BDNF: variants seen among roughly 807,000 people sequenced by gnomAD.
BDNF encodes the protein brain derived neurotrophic factor.
BDNF carries 1 observed loss-of-function variant against 19.5 expected under a neutral mutation model. The observed-to-expected ratio is 0.05, with a 90% CI of 0.02 to 0.24. The LOEUF is 0.24. BDNF is among the 10% of genes least tolerant of loss of function. BDNF has a pLI of 1.00. For synonymous variants in BDNF, 100 were observed against 121.6 expected (o/e 0.82, Z 1.17); for missense variants, 195 against 317.6 (o/e 0.61, Z 2.93).
chr11:27,704,690 C>T (rs953162079), upstream of BDNF, among the ~76,000 whole-genome samples: 6 of 152,196 alleles, frequency 3.9e-5, no homozygotes, highest in African/African-American at 1.2e-4. Flanking sequence ...TTTTCAAACT[C>T]ATCCTGGATA....
chr11:27,707,449 G>T (rs1365599224), intron 1 of BDNF, among the ~76,000 whole-genome samples: 3 of 152,148 alleles, frequency 2.0e-5, no homozygotes, highest in Non-Finnish European at 4.4e-5. Context: ...AAAGAAATGG[G>T]GTAGCAGAGG....
intron 1 of BDNF, among the ~76,000 whole-genome samples, chr11:27,712,491 T>A (rs1455376702): frequency 1.3e-5 from 2 of 151,780 alleles, no homozygotes; most frequent in Non-Finnish European, 1.5e-5. Context: ...TCCTTTGTAA[T>A]CTTATACATT....
chr11:27,708,416 A>G (rs559614187), intron 1 of BDNF, among the ~76,000 whole-genome samples: 1 of 152,260 alleles, frequency 6.6e-6, no homozygotes, highest in Admixed American at 6.5e-5. Flanking sequence ...AATCATGCTA[A>G]TCTACATGAT....
chr11:27,679,369 A>C (rs1856580551), intron 1 of BDNF, among the ~76,000 whole-genome samples: 1 of 152,212 alleles, frequency 6.6e-6, no homozygotes, highest in African/African-American at 2.4e-5. Context: ...CGTAAGTAAG[A>C]ATTAAAGATA....
intron 1 of BDNF, among the ~76,000 whole-genome samples, chr11:27,666,994 A>G (rs1047990729): frequency 6.6e-6 from 1 of 152,246 alleles, no homozygotes; most frequent in Non-Finnish European, 1.5e-5. Context: ...GAAATGAAGG[A>G]AAAAACATTA....
At chr11:27,681,737 T>G (rs958171629) in intron 1 of BDNF, among the ~76,000 whole-genome samples, 12 of 152,164 alleles carry the variant, frequency 7.9e-5, no homozygotes, top group South Asian at 2.1e-4. Flanking sequence ...AGTATCTTTT[T>G]GGGGGAGCTG....
At chr11:27,678,546 G>A (rs564478813) in intron 1 of BDNF, among the ~76,000 whole-genome samples, 1 of 152,322 alleles carries the variant, frequency 6.6e-6, no homozygotes, top group South Asian at 2.1e-4. Flanking sequence ...TTAGGGAGAT[G>A]TAACTGGGAG....
intron 1 of BDNF, among the ~76,000 whole-genome samples, chr11:27,687,683 G>A (rs1857669798): frequency 6.6e-6 from 1 of 152,190 alleles, no homozygotes; most frequent in Admixed American, 6.5e-5. Context: ...AGGTCTGCTG[G>A]AATTTGGTGG....
chr11:27,667,666 AAAG>A (rs1276087637), intron 1 of BDNF, among the ~76,000 whole-genome samples: 1 of 152,222 alleles, frequency 6.6e-6, no homozygotes, highest in Non-Finnish European at 1.5e-5. Flanking sequence ...CAAAAGAGAC[AAAG>A]AAGGCCATTA....
At chr11:27,693,647 C>T (rs1858598314) in intron 1 of BDNF, among the ~76,000 whole-genome samples, 2 of 152,174 alleles carry the variant, frequency 1.3e-5, no homozygotes. Flanking sequence ...CATCTCTCTC[C>T]AGCAAAATGA....
At chr11:27,678,615 CA>C (rs1334315174) in intron 1 of BDNF, among the ~76,000 whole-genome samples, 6 of 152,146 alleles carry the variant, frequency 3.9e-5, no homozygotes, top group Admixed American at 6.5e-5. Context: ...ATGATGGACC[CA>C]AAAGGATGGC....
chr11:27,679,683 AT>A (rs1342852976), intron 1 of BDNF, among the ~76,000 whole-genome samples: 11 of 152,198 alleles, frequency 7.2e-5, no homozygotes, highest in African/African-American at 2.4e-4. Flanking sequence ...ATGGTTAATC[AT>A]TTAGTTAGAG....
chr11:27,674,164 C>T (rs752449726), intron 1 of BDNF: 16 of 1,610,726 alleles, frequency 9.9e-6, no homozygotes, highest in Middle Eastern at 3.3e-4. Context: ...CATACAGAAG[C>T]GTGTGGGTAG....
intron 1 of BDNF, among the ~76,000 whole-genome samples, chr11:27,670,970 C>T (rs987642893): frequency 2.0e-5 from 3 of 152,126 alleles, no homozygotes; most frequent in South Asian, 2.1e-4. Flanking sequence ...ATGTTTATTG[C>T]GGCACTATTT....
intron 1 of BDNF, among the ~76,000 whole-genome samples, chr11:27,668,716 AG>A (rs560690033): frequency 5.9e-4 from 90 of 152,328 alleles, no homozygotes; most frequent in Admixed American, 2.5e-3. Context: ...ACCAGGAAGA[AG>A]TTGAATCTCT....
chr11:27,717,319 T>C (rs79888657), intron 1 of BDNF, among the ~76,000 whole-genome samples: 7,952 of 152,296 alleles, frequency 0.052, 363 homozygotes, highest in South Asian at 0.25. Flanking sequence ...TTAAAATAAC[T>C]AGTACTCTGG....
intron 1 of BDNF, among the ~76,000 whole-genome samples, chr11:27,670,449 A>T (rs574341611): frequency 6.6e-5 from 10 of 152,336 alleles, no homozygotes; most frequent in African/African-American, 2.4e-4. Context: ...CAGCAAAAGA[A>T]ACTACCATCA....
chr11:27,669,776 G>A lies in BDNF; in HGVS notation c.-21-11191C>T, dbSNP rs191757116. ...TAAAAGAGGACGCAAACAAATGGAA[G>A]AACATTCCATTCTCATGGGTAGGAA... On this transcript the variant is annotated intron_variant, in intron 1 of 1. Coordinates refer to ENST00000356660, the MANE Select transcript of BDNF (RefSeq NM_001709.5). Among the ~76,000 whole-genome samples, 760 of 152,232 alleles carry A rather than the reference G, an allele frequency of 5.0e-3. 6 individuals carry two copies. Among genetic ancestry groups the A allele is most frequent in the African/African-American group, 0.017 (721 of 41,532 alleles).
chr11:27,679,022 A>C (rs1856534727), intron 1 of BDNF, among the ~76,000 whole-genome samples: 1 of 152,208 alleles, frequency 6.6e-6, no homozygotes, highest in Non-Finnish European at 1.5e-5. Flanking sequence ...ACTACTATCC[A>C]GACACTGGGT....
Sources: allele counts gnomAD v4.1 joint callset (sites outside exome capture counted in the v4.1 genomes callset), GRCh38; gene constraint gnomAD v4.1.1; transcripts MANE v1.5; gene names NCBI Gene and HGNC (gene_info 2026-07-23, HGNC 2026-07-21).